MEIS2: variants seen among roughly 807,000 people sequenced by gnomAD.
MEIS2 encodes Meis homeobox 2, also known as homeobox protein Meis2.
A neutral mutation model predicts 58.6 loss-of-function variants in MEIS2; 9 were observed. The observed-to-expected ratio is 0.15, with a 90% CI of 0.09 to 0.27. The LOEUF (loss-of-function observed/expected upper bound fraction) is 0.27. Among genes scored for constraint, MEIS2 ranks in the 10% least tolerant of loss-of-function variants. The pLI, the probability that MEIS2 is intolerant of heterozygous loss-of-function variation, is 1.00. For synonymous variants in MEIS2, 221 were observed against 228.4 expected, an observed-to-expected ratio of 0.97 and a Z score of 0.29; for missense variants, 427 against 635.0, an observed-to-expected ratio of 0.67 and a Z score of 3.52.
intron 7 of MEIS2, chr15:37,050,853 G>C (rs965274264): frequency 5.3e-5 from 8 of 152,200 alleles, no homozygotes; most frequent in African/African-American, 1.9e-4. Flanking sequence ...GTGAAAGAGT[G>C]TGAGTGAAGA....
At chr15:37,087,028 A>G (rs1039379738) in intron 6 of MEIS2, among the ~76,000 whole-genome samples, 1 of 152,156 alleles carries the variant, frequency 6.6e-6, no homozygotes. Flanking sequence ...CTTTCTGCCA[A>G]ATTATATGCA....
intron 8 of MEIS2, among the ~76,000 whole-genome samples, chr15:37,035,376 G>A: frequency 6.6e-6 from 1 of 152,212 alleles, no homozygotes; most frequent in East Asian, 1.9e-4. Flanking sequence ...TGCTGTTGCA[G>A]CTTCAGTGCT....
chr15:37,065,086 CA>C (rs1889735847), intron 7 of MEIS2, among the ~76,000 whole-genome samples: 1 of 152,078 alleles, frequency 6.6e-6, no homozygotes, highest in Non-Finnish European at 1.5e-5. Context: ...AAGATCAGGT[CA>C]ACTAGAGATT....
chr15:37,082,117 A>T (rs184795613), intron 7 of MEIS2, among the ~76,000 whole-genome samples: 1 of 152,180 alleles, frequency 6.6e-6, no homozygotes, highest in Non-Finnish European at 1.5e-5. Flanking sequence ...CTGTTAATGA[A>T]TCTACAGAGA....
chr15:37,023,595 C>T (rs540629679), intron 8 of MEIS2, among the ~76,000 whole-genome samples: 4 of 152,228 alleles, frequency 2.6e-5, no homozygotes, highest in African/African-American at 9.6e-5. Flanking sequence ...CCTCTCCTCC[C>T]CTTGTTGATC....
chr15:36,941,178 C>T (rs958487043), intron 9 of MEIS2, among the ~76,000 whole-genome samples: 2 of 152,166 alleles, frequency 1.3e-5, no homozygotes, highest in African/African-American at 4.8e-5. Context: ...AGATCCAAGA[C>T]TATCAGGATT....
intron 8 of MEIS2, among the ~76,000 whole-genome samples, chr15:36,992,029 C>T (rs1019775869): frequency 6.9e-6 from 1 of 145,316 alleles, no homozygotes; most frequent in Non-Finnish European, 1.5e-5. Context: ...CCTCGTGATC[C>T]GCCCGCCTCG....
intron 8 of MEIS2, among the ~76,000 whole-genome samples, chr15:36,971,564 A>AAAAAAAAAAAAAAAAATG: frequency 6.8e-6 from 1 of 147,772 alleles, no homozygotes; most frequent in South Asian, 2.1e-4. Context: ...AAAAAAAAAA[A>AAAAAAAAAAAAAAAAATG]GGGCTGTTCC....
At chr15:37,009,015 C>T (rs893649940) in intron 8 of MEIS2, among the ~76,000 whole-genome samples, 3 of 152,178 alleles carry the variant, frequency 2.0e-5, no homozygotes, top group African/African-American at 2.4e-5. Flanking sequence ...AAGGGTCAGG[C>T]GTGGTGGCTT....
chr15:37,089,516 A>G (rs1457865255), intron 6 of MEIS2, among the ~76,000 whole-genome samples: 1 of 152,210 alleles, frequency 6.6e-6, no homozygotes, highest in Non-Finnish European at 1.5e-5. Context: ...AAAACACCAG[A>G]ATATCTTCAT....
Position 37,021,129 on chromosome 15 carries a change from T to C in MEIS2, c.900+15685A>G, listed in dbSNP as rs140159903. On this transcript the variant is annotated intron_variant, in intron 8 of 11. Coordinates refer to ENST00000561208, the MANE Select transcript of MEIS2 (RefSeq NM_170675.5). ...TCTGTTGTTTAAGCCACCCAGGCTA[T>C]GGTATTTTGTTATGGCAGCCCTAGC... Among the ~76,000 whole-genome samples, 649 of 152,334 alleles carry C rather than the reference T, an allele frequency of 4.3e-3. 5 individuals are homozygous for C. The highest frequency in any genetic ancestry group is 0.015 in the African/African-American group (608 of 41,580).
chr15:37,086,417 GTTTTCT>G (rs1892890508), intron 6 of MEIS2, among the ~76,000 whole-genome samples: 3 of 152,188 alleles, frequency 2.0e-5, no homozygotes, highest in Non-Finnish European at 4.4e-5. Flanking sequence ...TGAAGGAGAT[GTTTTCT>G]AAAGTAAAGG....
chr15:36,945,924 G>A (rs1012023182), intron 9 of MEIS2, among the ~76,000 whole-genome samples: 7 of 151,918 alleles, frequency 4.6e-5, no homozygotes, highest in Non-Finnish European at 7.4e-5. Context: ...CCTGTATACT[G>A]TCAATAAGTC....
At chr15:37,039,413 T>A (rs1356585452) in intron 7 of MEIS2, among the ~76,000 whole-genome samples, 1 of 152,232 alleles carries the variant, frequency 6.6e-6, no homozygotes, top group Non-Finnish European at 1.5e-5. Context: ...AAATCTCATT[T>A]AGCTTTTTTT....
chr15:37,100,707 G>C (rs1162745837), upstream of MEIS2, among the ~76,000 whole-genome samples: 1 of 151,394 alleles, frequency 6.6e-6, no homozygotes, highest in Admixed American at 6.6e-5. Flanking sequence ...CTGTGTGTGT[G>C]AGTGTGTGTG....
chr15:37,012,929 GCATATTTCAATCT>G (rs1390879003), intron 8 of MEIS2, among the ~76,000 whole-genome samples: 2 of 152,244 alleles, frequency 1.3e-5, no homozygotes, highest in East Asian at 3.9e-4. Flanking sequence ...TCCTGCAAAT[GCATATTTCAATCT>G]CAGTGACCCT....
At chr15:36,958,424 T>G (rs982477483) in intron 8 of MEIS2, among the ~76,000 whole-genome samples, 4 of 152,080 alleles carry the variant, frequency 2.6e-5, no homozygotes, top group African/African-American at 9.7e-5. Context: ...TACCTTAGGA[T>G]AAGGAGAAAC....
At chr15:37,076,315 G>C (rs958598817) in intron 7 of MEIS2, among the ~76,000 whole-genome samples, 2 of 151,972 alleles carry the variant, frequency 1.3e-5, no homozygotes, top group Admixed American at 1.3e-4. Flanking sequence ...GCAAAGTAAA[G>C]ACAATGAAGG....
chr15:37,066,320 G>A (rs1251580850), intron 7 of MEIS2: 1 of 152,124 alleles, frequency 6.6e-6, no homozygotes, highest in Non-Finnish European at 1.5e-5. Flanking sequence ...AATGACATGA[G>A]GGTTTTAATG....
Sources: gnomAD v4.1 joint callset for allele counts (sites outside exome capture counted in the v4.1 genomes callset) on GRCh38, gnomAD v4.1.1 for gene constraint, MANE v1.5 for transcripts, NCBI Gene and HGNC (gene_info 2026-07-23, HGNC 2026-07-21) for gene names.